The following RGS5 variants were observed in gnomAD, a reference collection of about 807,000 sequenced individuals.
RGS5 encodes regulator of G protein signaling 5, also known as regulator of G-protein signalling 5.
In RGS5, 20 loss-of-function variants were observed where a neutral mutation model predicts 18.9. The observed-to-expected ratio is 1.06, with a 90% CI of 0.74 to 1.54. RGS5 has a LOEUF of 1.54. Ranked by LOEUF, RGS5 falls within the 40% of genes most tolerant of loss-of-function variation. The probability of loss-of-function intolerance (pLI) is 0.00; values close to 1 mark genes in which losing one functional copy is unlikely to be tolerated. For missense variants in RGS5, 201 were observed against 211.8 expected, an observed-to-expected ratio of 0.95 and a Z score of 0.32; for synonymous variants, 57 against 76.2, an observed-to-expected ratio of 0.75 and a Z score of 1.31.
At chr1:163,241,737 A>C (rs900369850) in intron 2 of RGS5, among the ~76,000 whole-genome samples, 3 of 152,234 alleles carry the variant, frequency 2.0e-5, no homozygotes, top group African/African-American at 7.2e-5. Context: ...AGTTTAAGAT[A>C]GAGAACAGTG....
chr1:163,315,799 C>T (rs12141347), intron 1 of RGS5, among the ~76,000 whole-genome samples: 63,275 of 151,932 alleles, frequency 0.42, 13,665 homozygotes, highest in South Asian at 0.5. Flanking sequence ...TTGAATTCAA[C>T]GCTATTTTTC....
intron 2 of RGS5, among the ~76,000 whole-genome samples, chr1:163,255,436 C>A (rs945471563): frequency 6.6e-6 from 1 of 152,084 alleles, no homozygotes; most frequent in South Asian, 2.1e-4. Flanking sequence ...CTGAATATAC[C>A]AATAACAGGC....
At chr1:163,241,534 T>C (rs1397047455) in intron 2 of RGS5, among the ~76,000 whole-genome samples, 1 of 152,226 alleles carries the variant, frequency 6.6e-6, no homozygotes, top group Non-Finnish European at 1.5e-5. Context: ...GTTATTCTGG[T>C]TTACGGTTTC....
At chr1:163,205,167 G>A (rs528059988), upstream of RGS5, among the ~76,000 whole-genome samples, 9 of 152,150 alleles carry the variant, frequency 5.9e-5, no homozygotes, top group East Asian at 1.7e-3. Context: ...TTAGAAATGG[G>A]AGAAATGGAG....
At chr1:163,193,348 G>T (rs1306623170) in intron 1 of RGS5, among the ~76,000 whole-genome samples, 1 of 152,116 alleles carries the variant, frequency 6.6e-6, no homozygotes, top group South Asian at 2.1e-4. Flanking sequence ...GTATTCAAAA[G>T]CTGCTTGGCC....
intron 2 of RGS5, among the ~76,000 whole-genome samples, chr1:163,240,922 C>T (rs143946028): frequency 7.2e-5 from 11 of 152,154 alleles, no homozygotes; most frequent in African/African-American, 2.4e-4. Context: ...TAGCCCCAGG[C>T]ACCATGACTT....
chr1:163,263,012 G>A (rs930925248), intron 2 of RGS5, among the ~76,000 whole-genome samples: 1 of 152,134 alleles, frequency 6.6e-6, no homozygotes, highest in African/African-American at 2.4e-5. Flanking sequence ...TCACCTCTCA[G>A]CTAAGTCTGC....
chr1:163,202,747 T>G (rs1318046845), intron 1 of RGS5, 45 bp downstream of exon 1: 6 of 1,587,754 alleles, frequency 3.8e-6, no homozygotes, highest in Non-Finnish European at 5.2e-6. Context: ...TGAGTAAAGA[T>G]TCTCCATATC....
chr1:163,217,442 T>C (rs56177331), intron 1 of RGS5: 203,992 of 1,377,926 alleles, frequency 0.15, 16,678 homozygotes, highest in South Asian at 0.17. Flanking sequence ...ATTGGCATCC[T>C]TCCACAAAAT....
chr1:163,299,281 A>T (rs1193221058), intron 2 of RGS5, among the ~76,000 whole-genome samples: 1 of 152,174 alleles, frequency 6.6e-6, no homozygotes, highest in Non-Finnish European at 1.5e-5. Context: ...TGGGAGGAAA[A>T]GGCTGTAGAG....
intron 1 of RGS5, among the ~76,000 whole-genome samples, chr1:163,309,517 A>G (rs930755528): frequency 1.3e-5 from 2 of 152,106 alleles, no homozygotes; most frequent in African/African-American, 2.4e-5. Flanking sequence ...TTTCTTATCC[A>G]AAAGAAACAA....
intron 2 of RGS5, among the ~76,000 whole-genome samples, chr1:163,237,525 A>C (rs1647661897): frequency 6.6e-6 from 1 of 152,136 alleles, no homozygotes; most frequent in African/African-American, 2.4e-5. Flanking sequence ...TCTCTACAAA[A>C]AATCCAATAA....
In RGS5 at chr1:163,243,031, A is replaced by AAG. The variant is rs777062058; in HGVS notation, c.-281+63200_-281+63201dup. On this transcript the variant is annotated intron_variant, in intron 2 of 5. Coordinates refer to the RGS5 transcript ENST00000618415. ...TTTGTATAGGTGTCTTTATACATAG[A>AAG]AGGAGGCATTTACTGCCCATCAATG... Among the ~76,000 whole-genome samples the AAG allele has an allele frequency of 7.9e-5, 12 of 152,176 alleles. 1 individual carries two copies. In the East Asian group the frequency reaches 1.9e-3, roughly 24 times the overall value.
chr1:163,271,702 T>C (rs1485712166), intron 2 of RGS5, among the ~76,000 whole-genome samples: 1 of 152,186 alleles, frequency 6.6e-6, no homozygotes, highest in Admixed American at 6.6e-5. Context: ...TTGATGGACA[T>C]TTGGATTGTT....
At position 163,184,579 on chromosome 1, in the gene RGS5, A is replaced by C. The variant is rs4132246; in HGVS notation, c.45-16211T>G. On this transcript the variant is annotated intron_variant, in intron 1 of 4. Transcript: ENST00000313961. ...TGGCAGAAGGGACTTTGCAGAAGTG[A>C]TAAGTTAAGGATCTTGAAGTGGGAA... 7.7e-3 allele frequency among the ~76,000 whole-genome samples: 1,176 copies of C among 152,196 alleles called. 13 individuals are homozygous for C. Among genetic ancestry groups the C allele is most frequent in the African/African-American group, 0.026 (1,094 of 41,516 alleles).
At chr1:163,209,373 C>T (rs1660046137) in intron 1 of RGS5, among the ~76,000 whole-genome samples, 1 of 152,062 alleles carries the variant, frequency 6.6e-6, no homozygotes, top group Non-Finnish European at 1.5e-5. Flanking sequence ...CCATTCTTTT[C>T]AAGTTGAACC....
chr1:163,164,822 GT>G lies in RGS5; in HGVS notation c.156-2847del, dbSNP rs1397820698. Among the ~76,000 whole-genome samples, 2 of 152,238 alleles carry G rather than the reference GT, an allele frequency of 1.3e-5. 1 individual carries two copies. Among genetic ancestry groups the G allele is most frequent in the South Asian group, 4.1e-4 (2 of 4,828 alleles). On this transcript the variant is annotated intron_variant, in intron 2 of 4. Transcript: ENST00000313961. ...GTGGTTGGGTTTTTTGTTTGTTTTT[GT>G]TTTTTGTATTGTTTTGGTTTGATTT...
intron 2 of RGS5, among the ~76,000 whole-genome samples, chr1:163,250,930 G>A (rs1035805718): frequency 5.3e-5 from 8 of 152,156 alleles, no homozygotes; most frequent in South Asian, 2.1e-4. Flanking sequence ...TTTCCTAAAT[G>A]TAGCATTTGG....
At chr1:163,219,516 T>G (rs12740797), upstream of RGS5, among the ~76,000 whole-genome samples, 5 of 152,180 alleles carry the variant, frequency 3.3e-5, no homozygotes, top group African/African-American at 1.2e-4. Flanking sequence ...TCACAAGATC[T>G]AAACCATTTT....
Sources: allele counts gnomAD v4.1 joint callset (sites outside exome capture counted in the v4.1 genomes callset), GRCh38; gene constraint gnomAD v4.1.1; transcripts MANE v1.5; gene names NCBI Gene and HGNC (gene_info 2026-07-23, HGNC 2026-07-21).